The following WDR25 variants were observed in gnomAD, a reference collection of about 807,000 sequenced individuals.
The protein encoded by WDR25 is WD repeat-containing protein 25.
In WDR25, 35 loss-of-function variants were observed where a neutral mutation model predicts 47.7. The ratio of observed to expected loss-of-function variants is 0.73; its 90% CI spans 0.56 to 0.97. WDR25 has a LOEUF of 0.97. WDR25 is among the 50% of genes least tolerant of loss of function. WDR25 has a pLI of 0.00. For synonymous variants in WDR25, 248 were observed against 278.9 expected (o/e 0.89, Z 1.10); for missense variants, 634 against 704.7 (o/e 0.90, Z 1.14).
At chr14:100,433,311 T>C (rs1400229572) in intron 2 of WDR25, among the ~76,000 whole-genome samples, 3 of 152,268 alleles carry the variant, frequency 2.0e-5, no homozygotes, top group Non-Finnish European at 4.4e-5. Flanking sequence ...GTCTAGTCTT[T>C]CCTTGTGATT....
chr14:100,481,643 G>A (rs903307047), intron 3 of WDR25, among the ~76,000 whole-genome samples: 6 of 152,070 alleles, frequency 3.9e-5, no homozygotes, highest in African/African-American at 1.2e-4. Context: ...TGCATTTAAC[G>A]TCTTGAATGT....
chr14:100,381,093 G>A lies in WDR25; in HGVS notation c.169G>A (p.Val57Met), dbSNP rs1408552748. The A allele has an allele frequency of 6.2e-7, 1 of 1,614,238 alleles. No homozygotes were observed. The highest frequency in any genetic ancestry group is 8.5e-7 in the Non-Finnish European group (1 of 1,180,042). Residue 57 changes from valine (V) to methionine (M), a missense_variant, in exon 2 of 7, where the codon GTG (valine) becomes ATG (methionine). Coordinates refer to ENST00000402312, the MANE Select transcript of WDR25 (RefSeq NM_001161476.3). ...GGATTTTGCATCTGGTACACTGGAT[G>A]TGCCCAAAGCAGGGGCACAGCCCAC... ...GQDFASGTLD[V>M]PKAGAQPTKH... is the part of the protein sequence containing the mutation.
intron 4 of WDR25, among the ~76,000 whole-genome samples, chr14:100,497,438 C>G (rs1010805611): frequency 1.3e-5 from 2 of 152,060 alleles, no homozygotes; most frequent in Admixed American, 1.3e-4. Flanking sequence ...GTCCTCCTCT[C>G]AGGTCAAAGC....
chr14:100,487,299 A>G (rs1566933921), intron 4 of WDR25, among the ~76,000 whole-genome samples: 1 of 152,250 alleles, frequency 6.6e-6, no homozygotes, highest in Non-Finnish European at 1.5e-5. Flanking sequence ...GATTTAAAAA[A>G]CTTTTGCCAT....
intron 2 of WDR25, among the ~76,000 whole-genome samples, chr14:100,391,593 A>G (rs538421452): frequency 1.3e-5 from 2 of 151,646 alleles, no homozygotes; most frequent in Non-Finnish European, 2.9e-5. Flanking sequence ...CAAATTGCCC[A>G]TTTTCTCTCC....
chr14:100,526,492 G>A (rs751964838), intron 5 of WDR25, among the ~76,000 whole-genome samples: 11 of 152,252 alleles, frequency 7.2e-5, no homozygotes, highest in African/African-American at 1.7e-4. Context: ...CTTATAAGGC[G>A]GAGAGCCTTG....
At chr14:100,462,776 C>T (rs2140286881) in intron 2 of WDR25, among the ~76,000 whole-genome samples, 2 of 151,742 alleles carry the variant, frequency 1.3e-5, no homozygotes, top group African/African-American at 4.8e-5. Context: ...GTTGCCCAAG[C>T]TGGTTCTTCC....
At chr14:100,396,563 G>T (rs1000767600) in intron 2 of WDR25, among the ~76,000 whole-genome samples, 1 of 152,212 alleles carries the variant, frequency 6.6e-6, no homozygotes, top group Non-Finnish European at 1.5e-5. Context: ...GCACAAGTTT[G>T]CCCAGTTCTT....
In WDR25 at chr14:100,408,292, T is replaced by G. The variant is rs186833112; in HGVS notation, c.822+26546T>G. ...GATTACTCTCCCACTGCTCCCCTCCTTCACTGTAGATTCCCACAATTTCAG... is the reference window on the plus strand; with the variant it reads ...GATTACTCTCCCACTGCTCCCCTCCGTCACTGTAGATTCCCACAATTTCAG... On this transcript the variant is annotated intron_variant, in intron 2 of 6. Transcript: ENST00000402312. Among the ~76,000 whole-genome samples, 38 of 152,324 alleles carry G rather than the reference T, an allele frequency of 2.5e-4. 1 individual carries two copies. In the East Asian group the frequency reaches 6.9e-3, roughly 28 times the overall value.
In WDR25 at chr14:100,488,917, C is replaced by T. The variant is rs543077068; in HGVS notation, c.1101+4793C>T. Among the ~76,000 whole-genome samples, 8 of 152,306 alleles carry T rather than the reference C, an allele frequency of 5.3e-5. No homozygotes were observed. Among genetic ancestry groups the T allele is most frequent in the African/African-American group, 1.2e-4 (5 of 41,572 alleles). On this transcript the variant is annotated intron_variant, in intron 4 of 6. Coordinates refer to ENST00000402312, the MANE Select transcript of WDR25 (RefSeq NM_001161476.3). The surrounding 1 kb of genome is among the most constrained non-coding windows in gnomAD (Gnocchi z 4.2). ...GAGTCACCTCTGTGCCTGGCATCCC[C>T]GACAGGGCCTGGACCAGAGCAGGTG... is the stretch of plus-strand genomic sequence containing the variant.
intron 4 of WDR25, among the ~76,000 whole-genome samples, chr14:100,494,817 G>C (rs1460821467): frequency 6.6e-6 from 1 of 152,206 alleles, no homozygotes; most frequent in South Asian, 2.1e-4. Flanking sequence ...GGTCAGCTAG[G>C]CTGTGATAAA....
At chr14:100,391,870 CCTT>C (rs1308512617) in intron 2 of WDR25, among the ~76,000 whole-genome samples, 2 of 152,308 alleles carry the variant, frequency 1.3e-5, no homozygotes, top group African/African-American at 4.8e-5. Context: ...TTTCCATTCT[CCTT>C]CTCTCCTGAG....
chr14:100,488,481 C>T lies in WDR25; in HGVS notation c.1101+4357C>T, dbSNP rs1430511670. 6.6e-6 allele frequency among the ~76,000 whole-genome samples: 1 copy of T among 152,096 alleles called. No homozygotes were observed. The highest frequency in any genetic ancestry group is 1.5e-5 in the Non-Finnish European group (1 of 68,026). On this transcript the variant is annotated intron_variant, in intron 4 of 6. Transcript: ENST00000402312. This position sits in a 1 kb window ranked among gnomAD's most constrained non-coding sequence, Gnocchi z 4.2. The stretch of plus-strand genomic sequence containing the variant: ...TACTTGCTTGGCTGGGTGATTTCGG[C>T]CACATTCCTTAAGCAAAAGCCTCTC...
rs377412743 is a variant in WDR25 at position 100,383,803 on chromosome 14, T to C, written c.822+2057T>C. On this transcript the variant is annotated intron_variant, in intron 2 of 6. Coordinates refer to ENST00000402312, the MANE Select transcript of WDR25 (RefSeq NM_001161476.3). ...CACTGGGGACGTGGGGGGAGAGACGTTTCTGCCCCCATGGAGGGGAAACTG... is the reference window on the plus strand; with the variant it reads ...CACTGGGGACGTGGGGGGAGAGACGCTTCTGCCCCCATGGAGGGGAAACTG... Among the ~76,000 whole-genome samples the C allele has an allele frequency of 1.0e-3, 153 of 152,210 alleles. 1 individual carries two copies. Among genetic ancestry groups the C allele is most frequent in the African/African-American group, 3.5e-3 (147 of 41,528 alleles).
chr14:100,380,426 A>G (rs1344739406), intron 1 of WDR25, among the ~76,000 whole-genome samples: 1 of 151,776 alleles, frequency 6.6e-6, no homozygotes, highest in Admixed American at 6.6e-5. Context: ...AATTTCAAAA[A>G]TTTTATCTTC....
chr14:100,382,208 C>A, intron 2 of WDR25: 1 of 702,836 alleles, frequency 1.4e-6, no homozygotes, highest in Non-Finnish European at 2.6e-6. Flanking sequence ...GAGCCGTGGA[C>A]AAGTACACAG....
chr14:100,377,915 T>C (rs1896757657), intron 1 of WDR25, among the ~76,000 whole-genome samples: 2 of 152,030 alleles, frequency 1.3e-5, no homozygotes, highest in Admixed American at 1.3e-4. Context: ...ACTCCACCTG[T>C]TGGGGGATGG....
chr14:100,494,625 TG>T (rs1900672135), intron 4 of WDR25, among the ~76,000 whole-genome samples: 1 of 152,272 alleles, frequency 6.6e-6, no homozygotes, highest in Admixed American at 6.5e-5. Context: ...GCTTCTGGAC[TG>T]TGAGCTCACA....
chr14:100,509,513 G>A (rs925837133), intron 4 of WDR25, among the ~76,000 whole-genome samples: 1 of 152,026 alleles, frequency 6.6e-6, no homozygotes, highest in African/African-American at 2.4e-5. Context: ...CTCTGTTTTT[G>A]TTTATCAAAA....
Sources: gnomAD v4.1 joint callset for allele counts (sites outside exome capture counted in the v4.1 genomes callset) on GRCh38, gnomAD v4.1.1 for gene constraint, Gnocchi (gnomAD v3.1) non-coding constraint, MANE v1.5 for transcripts, NCBI Gene and HGNC (gene_info 2026-07-23, HGNC 2026-07-21) for gene names.